The following COL5A1 variants were observed in gnomAD, a reference collection of about 807,000 sequenced individuals.
COL5A1 encodes collagen alpha-1(V) chain.
In COL5A1, 16 loss-of-function variants were observed where a neutral mutation model predicts 263.7. The ratio of observed to expected loss-of-function variants is 0.06; its 90% CI spans 0.04 to 0.09. The LOEUF (loss-of-function observed/expected upper bound fraction) is 0.09. COL5A1 is among the 10% of genes least tolerant of loss of function. COL5A1 has a pLI of 1.00. For synonymous variants in COL5A1, 1,012 were observed against 1,004.5 expected (o/e 1.01, Z -0.14); for missense variants, 2,036 against 2,540.5 (o/e 0.80, Z 4.27).
Position 134,652,904 on chromosome 9 carries a change from A to C in COL5A1, c.109+10608A>C. On this transcript the variant is annotated intron_variant, in intron 1 of 65. Coordinates refer to ENST00000371817, the MANE Select transcript of COL5A1 (RefSeq NM_000093.5). The surrounding 1 kb of genome is among the most constrained non-coding windows in gnomAD (Gnocchi z 4.4). ...GGTGGGCCCAGGAAACTGCATTTCT[A>C]ACGAAGTCAGTTCCCAGACCACGCG... 1 of 336,632 alleles carries C rather than the reference A, an allele frequency of 3.0e-6. No individual in the cohort carries two copies. The highest frequency in any genetic ancestry group is 6.1e-6 in the Non-Finnish European group (1 of 164,378). The allele number at this position is 336,632 out of a possible 1,614,324, so 20.9% of individuals were successfully genotyped here. A position where few individuals can be genotyped will look rare whatever the true frequency, so the allele number is the denominator to read the frequency against.
rs368011067 is a variant in COL5A1 at position 134,818,715 on chromosome 9, C to A, written c.4290C>A (p.Ala1430=). ...CTGGCCCCATCGGCCCCCAGGGGGC[C>A]CCTGGGAAGCCCGGACCGGATGGCC... The part of the protein sequence containing the change: ...GKTGPIGPQG[A]PGKPGPDGLR... The change falls in exon 55 of 66, where the codon GCC becomes GCA. Residue 1430 remains alanine (A), a synonymous_variant. Transcript: ENST00000371817. The surrounding 1 kb of genome is among the most constrained non-coding windows in gnomAD (Gnocchi z 6.0). 1.5e-5 allele frequency: 24 copies of A among 1,611,006 alleles called. No homozygotes were observed. Among genetic ancestry groups the A allele is most frequent in the Non-Finnish European group, 1.7e-6 (2 of 1,179,176 alleles).
intron 1 of COL5A1, among the ~76,000 whole-genome samples, chr9:134,676,930 C>G (rs1441209688): frequency 6.6e-6 from 1 of 152,242 alleles, no homozygotes; most frequent in Admixed American, 6.5e-5. Flanking sequence ...CTGAGCTAAG[C>G]TCTCTTCTCT....
Position 134,744,449 on chromosome 9 carries a change from ACG to A in COL5A1, c.1494+5643_1494+5644del, listed in dbSNP as rs765759094. ...CACACACGCACACACTCATGTGTAC[ACG>A]CACACACTCACCTATACATACACGT... On this transcript the variant is annotated intron_variant, in intron 11 of 65. Transcript: ENST00000371817. Among the ~76,000 whole-genome samples the A allele has an allele frequency of 4.5e-4, 68 of 152,116 alleles. 1 individual carries two copies. The highest frequency in any genetic ancestry group is 2.7e-3 in the East Asian group (14 of 5,174).
chr9:134,655,487 A>C (rs774408800), intron 1 of COL5A1, among the ~76,000 whole-genome samples: 8 of 152,044 alleles, frequency 5.3e-5, no homozygotes, highest in Non-Finnish European at 1.2e-4. Context: ...CCTGTGCCTC[A>C]GTTTCCCCAT....
intron 9 of COL5A1, among the ~76,000 whole-genome samples, chr9:134,733,937 A>G (rs1257710341): frequency 6.6e-6 from 1 of 152,088 alleles, no homozygotes; most frequent in African/African-American, 2.4e-5. Flanking sequence ...TTGCTCGGGG[A>G]GGAAGATGGG....
chr9:134,825,488 C>T (rs1047131924), intron 62 of COL5A1, among the ~76,000 whole-genome samples: 1 of 152,126 alleles, frequency 6.6e-6, no homozygotes, highest in Admixed American at 6.5e-5. Flanking sequence ...CTTCCAGAAC[C>T]CTCTCTGCAT....
At chr9:134,797,522 G>A (rs139679929) in intron 36 of COL5A1, among the ~76,000 whole-genome samples, 1,818 of 152,152 alleles carry the variant, frequency 0.012, 37 homozygotes, top group African/African-American at 0.04. Context: ...TCGCTCTGTC[G>A]CCCAGGCTGG....
chr9:134,839,264 G>A (rs755669325), intron 65 of COL5A1, among the ~76,000 whole-genome samples: 30 of 152,350 alleles, frequency 2.0e-4, no homozygotes, highest in Admixed American at 1.2e-3. Context: ...AGCTTTCGGC[G>A]CCTCTGGGGG....
At chr9:134,766,171 G>T (rs1836655609) in intron 21 of COL5A1, among the ~76,000 whole-genome samples, 1 of 152,228 alleles carries the variant, frequency 6.6e-6, no homozygotes, top group African/African-American at 2.4e-5. Flanking sequence ...GCCCCCTTCA[G>T]CCTTCCCAGC....
chr9:134,656,686 A>G (rs1055940936), intron 1 of COL5A1, among the ~76,000 whole-genome samples: 1 of 152,000 alleles, frequency 6.6e-6, no homozygotes, highest in African/African-American at 2.4e-5. Flanking sequence ...AGATGGTATC[A>G]TATAATTCTT....
chr9:134,809,369 C>T, intron 43 of COL5A1, 79 bp downstream of exon 43: 1 of 1,127,334 alleles, frequency 8.9e-7, no homozygotes, highest in Non-Finnish European at 1.3e-6. Context: ...ATTTAAAGGA[C>T]AGGATGCTGG....
At chr9:134,808,483 G>A (rs894484155) in intron 42 of COL5A1, among the ~76,000 whole-genome samples, 15 of 152,168 alleles carry the variant, frequency 9.9e-5, no homozygotes, top group African/African-American at 2.4e-4. Flanking sequence ...GTACCTGTGC[G>A]TGCATACTCA....
Position 134,809,305 on chromosome 9 carries a change from G to C in COL5A1, c.3474+15G>C, listed in dbSNP as rs1224087610. The C allele has an allele frequency of 1.9e-6, 3 of 1,591,676 alleles. No homozygotes were observed. Among genetic ancestry groups the C allele is most frequent in the Non-Finnish European group, 2.6e-6 (3 of 1,165,126 alleles). On this transcript the variant is annotated intron_variant, in intron 43 of 65. Transcript: ENST00000371817. ...ACGGAGATAAGGTAAGGCAAATCCA[G>C]AGTGACCCATGGCTGGGCCTGGCTG... is the stretch of plus-strand genomic sequence containing the variant.
intron 37 of COL5A1, among the ~76,000 whole-genome samples, chr9:134,798,992 C>T (rs1348908046): frequency 1.3e-5 from 2 of 152,206 alleles, no homozygotes; most frequent in East Asian, 3.9e-4. Flanking sequence ...GCCCTTCCAG[C>T]TCCAATCCAG....
At chr9:134,685,430 C>T (rs1833015007) in intron 1 of COL5A1, among the ~76,000 whole-genome samples, 4 of 2,166 alleles carry the variant, frequency 1.8e-3, no homozygotes, top group East Asian at 0.011. Flanking sequence ...ATCCATCCAT[C>T]CATCCATCCA....
rs1348114229 is a variant in COL5A1 at position 134,700,354 on chromosome 9, T to G, written c.491+232T>G. ...GTCACTTCTCCTCCCTGGCCCTCCATTATCCCTTTGTAAAGTGCACTAAAG... is the reference window on the plus strand; with the variant it reads ...GTCACTTCTCCTCCCTGGCCCTCCAGTATCCCTTTGTAAAGTGCACTAAAG... On this transcript the variant is annotated intron_variant, in intron 3 of 65. Coordinates refer to ENST00000371817, the MANE Select transcript of COL5A1 (RefSeq NM_000093.5). This position sits in a 1 kb window ranked among gnomAD's most constrained non-coding sequence, Gnocchi z 4.0. Among the ~76,000 whole-genome samples the G allele has an allele frequency of 2.0e-5, 3 of 152,206 alleles. No homozygotes were observed.
chr9:134,804,370 C>T (rs1564470069), intron 39 of COL5A1, among the ~76,000 whole-genome samples: 1 of 152,124 alleles, frequency 6.6e-6, no homozygotes, highest in Non-Finnish European at 1.5e-5. Context: ...TAAGGGGTGA[C>T]TTTTTTTCAG....
At chr9:134,643,215 G>A (rs930419974) in intron 1 of COL5A1, among the ~76,000 whole-genome samples, 1 of 152,082 alleles carries the variant, frequency 6.6e-6, no homozygotes, top group Non-Finnish European at 1.5e-5. Context: ...GCTCTTGGTA[G>A]TTAGTGGCGG....
At chr9:134,830,227 G>T in intron 64 of COL5A1, 183 bp downstream of exon 64, 1 of 1,555,722 alleles carries the variant, frequency 6.4e-7, no homozygotes, top group Non-Finnish European at 8.7e-7. Context: ...CTTGCGGCAC[G>T]GCTGGCTCGC....
Sources: gnomAD v4.1 joint callset for allele counts (sites outside exome capture counted in the v4.1 genomes callset) on GRCh38, gnomAD v4.1.1 for gene constraint, Gnocchi (gnomAD v3.1) non-coding constraint, MANE v1.5 for transcripts, NCBI Gene and HGNC (gene_info 2026-07-23, HGNC 2026-07-21) for gene names.